TUB: variants seen among roughly 807,000 people sequenced by gnomAD.
TUB encodes the protein tubby protein homolog.
Under a neutral mutation model 59.7 loss-of-function variants are expected in TUB, and 33 were observed. The ratio of observed to expected loss-of-function variants is 0.55; its 90% confidence interval spans 0.42 to 0.74. TUB has a LOEUF of 0.74. Ranked by LOEUF, TUB falls within the 30% of genes least tolerant of loss-of-function variation. TUB has a pLI of 0.00. For synonymous variants in TUB, 293 were observed against 256.4 expected (o/e 1.14, Z -1.36); for missense variants, 659 against 672.0 (o/e 0.98, Z 0.21).
chr11:8,032,874 C>T, intron 1 of TUB, among the ~76,000 whole-genome samples: 1 of 152,172 alleles, frequency 6.6e-6, no homozygotes. Flanking sequence ...GTCAGTGAGC[C>T]CCTCCCTAGG....
In TUB at chr11:8,081,520, A is replaced by G. The variant is rs1159656048; in HGVS notation, c.10A>G (p.Lys4Glu). MTS[K>E]PHSDWIPYSV... is the part of the protein sequence containing the mutation. ...CCCGCCCCCGAGAGACATGACTTCC[A>G]AGCCGCATTCCGACTGGATTCCCTA... Residue 4 changes from lysine (K) to glutamate (E), a missense_variant, in exon 1 of 12, where the codon AAG (lysine) becomes GAG (glutamate). Lys to Glu is a moderately conservative substitution (Grantham distance 56, BLOSUM62 1). Transcript: ENST00000299506. 1.2e-5 allele frequency: 18 copies of G among 1,550,986 alleles called. No homozygotes were observed. Among genetic ancestry groups the G allele is most frequent in the Non-Finnish European group, 1.5e-5 (17 of 1,154,958 alleles).
At chr11:8,066,412 G>T (rs1268335327) in intron 2 of TUB, among the ~76,000 whole-genome samples, 1 of 152,172 alleles carries the variant, frequency 6.6e-6, no homozygotes, top group Admixed American at 6.5e-5. Context: ...CTGGCTCTGG[G>T]TTCAGCCCCT....
intron 2 of TUB, among the ~76,000 whole-genome samples, chr11:8,074,031 T>C (rs553303932): frequency 4.5e-4 from 68 of 152,308 alleles, no homozygotes; most frequent in African/African-American, 1.4e-3. Context: ...TGACACACCA[T>C]ATTACACTAG....
chr11:8,043,062 T>G (rs1157480226), intron 2 of TUB, among the ~76,000 whole-genome samples: 2 of 152,240 alleles, frequency 1.3e-5, no homozygotes, highest in Non-Finnish European at 1.5e-5. Context: ...CTTTATAGTT[T>G]TGGCTCTTTC....
intron 1 of TUB, among the ~76,000 whole-genome samples, chr11:8,021,478 AAAAT>A (rs1223071915): frequency 6.6e-6 from 1 of 152,022 alleles, no homozygotes; most frequent in Non-Finnish European, 1.5e-5. Context: ...TCAAAAAATA[AAAAT>A]AAATAAATGA....
chr11:8,094,904 G>A (rs1017324117), intron 4 of TUB, among the ~76,000 whole-genome samples: 5 of 152,246 alleles, frequency 3.3e-5, no homozygotes, highest in East Asian at 1.9e-4. Context: ...CGGGCAGGGT[G>A]GCTGCCACCT....
chr11:8,057,291 C>T (rs531011653), intron 2 of TUB, among the ~76,000 whole-genome samples: 1 of 152,166 alleles, frequency 6.6e-6, no homozygotes, highest in African/African-American at 2.4e-5. Context: ...CCTGTAATCC[C>T]AGTGTTCCTG....
chr11:8,097,639 C>G (rs1202917334), intron 7 of TUB, 75 bp from the exon 8 acceptor site: 1 of 1,383,210 alleles, frequency 7.2e-7, no homozygotes, highest in Non-Finnish European at 1.0e-6. Context: ...CGGAGAGAGT[C>G]TGTGTGAGTG....
intron 2 of TUB, among the ~76,000 whole-genome samples, chr11:8,043,246 TA>T (rs1197704405): frequency 1.3e-5 from 2 of 152,324 alleles, no homozygotes; most frequent in African/African-American, 4.8e-5. Context: ...ACTGTAAATG[TA>T]AGTTTATTTC....
At position 8,102,018 on chromosome 11, in the gene TUB, G is replaced by C; in HGVS notation, c.*399G>C. ...GCCCAGTCGTCCGCTCAGCCAAGGA[G>C]TCAGATGGCAATGGGTACTCCAGCA... On this transcript the variant is annotated 3_prime_UTR_variant, in exon 12 of 12. Coordinates refer to ENST00000299506, the MANE Select transcript of TUB (RefSeq NM_177972.3). 4.8e-6 allele frequency: 1 copy of C among 209,250 alleles called. No homozygotes were observed. Among genetic ancestry groups the C allele is most frequent in the African/African-American group, 2.3e-5 (1 of 43,942 alleles). 13.0% of individuals were successfully genotyped at this position (209,250 alleles called of 1,614,324 possible).
intron 2 of TUB, among the ~76,000 whole-genome samples, chr11:8,070,090 A>G (rs768507015): frequency 1.6e-4 from 25 of 152,186 alleles, no homozygotes; most frequent in Non-Finnish European, 4.4e-5. Context: ...TTCACAAACC[A>G]TCTTGGGGCT....
upstream of TUB, chr11:8,077,499 T>C (rs1162275959): frequency 6.6e-6 from 1 of 152,238 alleles, no homozygotes; most frequent in Non-Finnish European, 1.5e-5. Context: ...CCTCTGTCTG[T>C]ATGGCCCTTT....
At chr11:8,052,626 C>T (rs1004673134) in intron 2 of TUB, among the ~76,000 whole-genome samples, 9 of 151,990 alleles carry the variant, frequency 5.9e-5, no homozygotes, top group African/African-American at 9.7e-5. Context: ...CCCACCACCA[C>T]GCCCTGCTAA....
intron 1 of TUB, among the ~76,000 whole-genome samples, chr11:8,030,339 T>C (rs188548726): frequency 3.9e-5 from 6 of 152,310 alleles, no homozygotes; most frequent in African/African-American, 1.2e-4. Context: ...CTGTTGATAC[T>C]TACTGCCTTC....
intron 2 of TUB, among the ~76,000 whole-genome samples, chr11:8,061,042 T>G (rs2133773466): frequency 6.6e-6 from 1 of 152,300 alleles, no homozygotes; most frequent in East Asian, 1.9e-4. Flanking sequence ...GGCATCAGGG[T>G]GCCCCATGGT....
chr11:8,101,121 G>A, intron 11 of TUB, 124 bp downstream of exon 11: 11 of 1,190,232 alleles, frequency 9.2e-6, no homozygotes, highest in Non-Finnish European at 1.3e-5. Context: ...TACAGCTAAG[G>A]TTAGATGTAT....
At chr11:8,086,221 C>A (rs1373939586) in intron 1 of TUB, among the ~76,000 whole-genome samples, 2 of 152,134 alleles carry the variant, frequency 1.3e-5, no homozygotes, top group African/African-American at 4.8e-5. Context: ...GAGCTGAAGT[C>A]ATTAAAAAAC....
intron 2 of TUB, among the ~76,000 whole-genome samples, chr11:8,061,007 G>C (rs996245038): frequency 3.3e-5 from 5 of 152,200 alleles, no homozygotes; most frequent in Non-Finnish European, 2.9e-5. Context: ...GCCCCTGCCT[G>C]CTGGCTGGCT....
At chr11:8,064,268 C>T (rs1446689650) in intron 2 of TUB, among the ~76,000 whole-genome samples, 2 of 152,210 alleles carry the variant, frequency 1.3e-5, no homozygotes, top group African/African-American at 2.4e-5. Flanking sequence ...TGCTTGTCCC[C>T]ACCTTGATGG....
Sources: allele counts gnomAD v4.1 joint callset (sites outside exome capture counted in the v4.1 genomes callset), GRCh38; gene constraint gnomAD v4.1.1; transcripts MANE v1.5; gene names NCBI Gene and HGNC (gene_info 2026-07-23, HGNC 2026-07-21).